The following DCAF8L2 variants were observed in gnomAD, a reference collection of about 807,000 sequenced individuals.
The protein encoded by DCAF8L2 is DDB1- and CUL4-associated factor 8-like protein 2.
For missense variants in DCAF8L2, 430 were observed against 490.7 expected, an observed-to-expected ratio of 0.88 and a Z score of 1.17; for synonymous variants, 200 against 190.9, an observed-to-expected ratio of 1.05 and a Z score of -0.39.
intron 3 of DCAF8L2, among the ~76,000 whole-genome samples, chrX:27,689,050 G>A (rs955977538): frequency 7.2e-5 from 8 of 111,805 alleles, no homozygotes; most frequent in Non-Finnish European, 1.1e-4. Context: ...AAAAGTATAT[G>A]GGAAAAGTGT....
At chrX:27,541,851 C>T in the DCAF8L2 span, among the ~76,000 whole-genome samples, 3 of 111,009 alleles carry the variant, frequency 2.7e-5, no homozygotes, top group African/African-American at 9.8e-5. Context: ...CCTTCTCTCC[C>T]TTGTCTAGTA....
intron 1 of DCAF8L2, among the ~76,000 whole-genome samples, chrX:27,606,358 AATATATATATATAT>A (rs200718182): frequency 1.3e-4 from 5 of 39,756 alleles, no homozygotes; most frequent in Middle Eastern, 0.015. Context: ...TATATCTAGG[AATATATATATATAT>A]ATATATATAT....
the DCAF8L2 span, among the ~76,000 whole-genome samples, chrX:27,542,533 C>CTT: frequency 6.0e-5 from 2 of 33,447 alleles, no homozygotes; most frequent in Non-Finnish European, 9.5e-5. Flanking sequence ...CCTTTGCCTA[C>CTT]TTTTTTTTTT....
the DCAF8L2 span, among the ~76,000 whole-genome samples, chrX:27,470,010 C>T: frequency 2.7e-5 from 3 of 110,973 alleles, no homozygotes; most frequent in Admixed American, 1.9e-4. Context: ...TCAGGTGATC[C>T]GCCCGCCTCG....
intron 3 of DCAF8L2, among the ~76,000 whole-genome samples, chrX:27,679,580 C>T (rs978328620): frequency 4.5e-5 from 5 of 110,806 alleles, no homozygotes; most frequent in African/African-American, 1.6e-4. Flanking sequence ...GTCAGATATC[C>T]CCATTGTTCC....
intron 1 of DCAF8L2, among the ~76,000 whole-genome samples, chrX:27,627,043 GA>G (rs1392234966): frequency 7.1e-5 from 5 of 70,105 alleles, no homozygotes; most frequent in African/African-American, 2.8e-4. Context: ...CTAGGTGGTG[GA>G]AAAAAATAGC....
the DCAF8L2 span, among the ~76,000 whole-genome samples, chrX:27,504,121 A>G: frequency 5.3e-5 from 6 of 112,195 alleles, no homozygotes; most frequent in Non-Finnish European, 1.1e-4. Flanking sequence ...GTGGAAACAC[A>G]TATAAATCAA....
the DCAF8L2 span, among the ~76,000 whole-genome samples, chrX:27,484,243 T>A: frequency 7.2e-5 from 8 of 111,667 alleles, no homozygotes; most frequent in African/African-American, 2.3e-4. Flanking sequence ...CTCTTGACAA[T>A]GCCTGAACTA....
chrX:27,487,513 C>T, the DCAF8L2 span, among the ~76,000 whole-genome samples: 1 of 111,530 alleles, frequency 9.0e-6, no homozygotes, highest in Admixed American at 9.6e-5. Context: ...GAACTCCTGA[C>T]CTAAAGTGGT....
At chrX:27,701,771 T>C (rs917712220) in intron 3 of DCAF8L2, among the ~76,000 whole-genome samples, 4 of 110,378 alleles carry the variant, frequency 3.6e-5, no homozygotes, top group Non-Finnish European at 7.6e-5. Context: ...AACTCTCAAA[T>C]CGGTAACATA....
At chrX:27,579,606 T>C in the DCAF8L2 span, among the ~76,000 whole-genome samples, 1 of 70,067 alleles carries the variant, frequency 1.4e-5, no homozygotes, top group African/African-American at 6.1e-5. Context: ...GGATGTAGTT[T>C]CAGAGAAATA....
intron 3 of DCAF8L2, among the ~76,000 whole-genome samples, chrX:27,711,477 A>G (rs1344116636): frequency 9.2e-6 from 1 of 108,194 alleles, no homozygotes; most frequent in Admixed American, 1.0e-4. Context: ...ATATGTGTAT[A>G]TATATACATT....
At chrX:27,509,193 G>A in the DCAF8L2 span, among the ~76,000 whole-genome samples, 25 of 111,238 alleles carry the variant, frequency 2.2e-4, no homozygotes, top group Middle Eastern at 0.023. Flanking sequence ...AGGAGATATA[G>A]AGCATGTGAG....
upstream of DCAF8L2, among the ~76,000 whole-genome samples, chrX:27,587,985 A>AATATATATATAT (rs202098791): frequency 4.0e-4 from 9 of 22,346 alleles, no homozygotes; most frequent in Admixed American, 1.9e-3. Context: ...TAAAAAAAAA[A>AATATATATATAT]ATATATATAT....
chrX:27,584,722 C>G, the DCAF8L2 span, among the ~76,000 whole-genome samples: 1 of 111,685 alleles, frequency 9.0e-6, no homozygotes, highest in African/African-American at 3.3e-5. Flanking sequence ...CACATGTGCA[C>G]AGACCCACAC....
chrX:27,473,423 C>A, the DCAF8L2 span, among the ~76,000 whole-genome samples: 1 of 105,001 alleles, frequency 9.5e-6, no homozygotes, highest in African/African-American at 3.4e-5. Flanking sequence ...CAGTGAGATT[C>A]TTTTTTTTTT....
the DCAF8L2 span, among the ~76,000 whole-genome samples, chrX:27,500,651 C>A: frequency 1.8e-5 from 2 of 111,739 alleles, no homozygotes; most frequent in South Asian, 7.5e-4. Context: ...AAAACCGTAA[C>A]TGCAGAAAAA....
At chrX:27,576,745 C>T in the DCAF8L2 span, among the ~76,000 whole-genome samples, 1 of 111,946 alleles carries the variant, frequency 8.9e-6, no homozygotes, top group Non-Finnish European at 1.9e-5. Flanking sequence ...GGGGAAATAG[C>T]AATTAGGTTG....
intron 1 of DCAF8L2, among the ~76,000 whole-genome samples, chrX:27,594,838 C>T (rs1475936414): frequency 5.4e-5 from 6 of 111,339 alleles, no homozygotes; most frequent in Non-Finnish European, 9.4e-5. Flanking sequence ...TACAAAGCAA[C>T]CTATACTTAC....
Sources: allele counts gnomAD v4.1 joint callset (sites outside exome capture counted in the v4.1 genomes callset), GRCh38; gene constraint gnomAD v4.1.1; transcripts MANE v1.5; gene names NCBI Gene and HGNC (gene_info 2026-07-23, HGNC 2026-07-21).